LRCH1: variants seen among roughly 807,000 people sequenced by gnomAD.
The protein encoded by LRCH1 is leucine-rich repeat and calponin homology domain-containing protein 1.
A neutral mutation model predicts 94.9 loss-of-function variants in LRCH1; 23 were observed. That is an observed-to-expected ratio of 0.24 (90% CI 0.17 to 0.34). The LOEUF (loss-of-function observed/expected upper bound fraction) is 0.34. Ranked by LOEUF, LRCH1 falls within the 10% of genes least tolerant of loss-of-function variation. The pLI is 1.00. For missense variants in LRCH1, 790 were observed against 945.9 expected, an observed-to-expected ratio of 0.84 and a Z score of 2.16; for synonymous variants, 364 against 354.9, an observed-to-expected ratio of 1.03 and a Z score of -0.29.
Position 46,733,935 on chromosome 13 carries a change from G to C in LRCH1, c.2022G>C (p.Met674Ile), listed in dbSNP as rs201104832. The C allele has an allele frequency of 1.9e-6, 3 of 1,600,628 alleles. No homozygotes were observed. In the South Asian group the frequency reaches 3.4e-5, roughly 18 times the overall value. ...VPSPAVPKLS[M>I]AKCRRNVENF... ...TGCATTTATAGCCCAAACTTAGCAT[G>C]GCCAAATGCAGAAGAAATGTGGAAA... Residue 674 changes from methionine (M) to isoleucine (I), a missense_variant, in exon 19 of 20, where the codon ATG becomes ATC. This residue lies in a region of LRCH1 where 460 missense variants were observed against 508.9 expected (regional missense o/e 0.90). Transcript: ENST00000389797.
At chr13:46,659,485 G>A (rs1466750670) in intron 2 of LRCH1, among the ~76,000 whole-genome samples, 6 of 152,020 alleles carry the variant, frequency 3.9e-5, no homozygotes, top group South Asian at 2.1e-4. Context: ...GAGCCACTGC[G>A]CCCAGCCCAA....
At chr13:46,646,319 A>C (rs12429276) in intron 1 of LRCH1, among the ~76,000 whole-genome samples, 3 of 152,140 alleles carry the variant, frequency 2.0e-5, no homozygotes, top group Non-Finnish European at 4.4e-5. Flanking sequence ...CATAATATGT[A>C]TATATTATGT....
intron 11 of LRCH1, among the ~76,000 whole-genome samples, chr13:46,703,756 T>A (rs1871608892): frequency 1.3e-5 from 2 of 152,174 alleles, no homozygotes; most frequent in South Asian, 4.1e-4. Context: ...AAAAAGTATA[T>A]AACTTTTTTA....
Position 46,563,852 on chromosome 13 carries a change from A to T in LRCH1, c.307+10149A>T, listed in dbSNP as rs148694486. On this transcript the variant is annotated intron_variant, in intron 1 of 19. Coordinates refer to ENST00000389797, the MANE Select transcript of LRCH1 (RefSeq NM_001164211.2). ...TTTGGCCAAGGGTACACAGCATGGC[A>T]GTAGGTGCCAGAGCCAGGGCAGAGT... is the stretch of plus-strand genomic sequence containing the variant. 1.2e-4 allele frequency among the ~76,000 whole-genome samples: 18 copies of T among 152,152 alleles called. No homozygotes were observed. The East Asian group carries it at 3.1e-3, about 26-fold the overall frequency.
At chr13:46,641,799 C>T (rs1338042789) in intron 1 of LRCH1, among the ~76,000 whole-genome samples, 1 of 152,200 alleles carries the variant, frequency 6.6e-6, no homozygotes, top group Non-Finnish European at 1.5e-5. Context: ...GCTGACTGCA[C>T]ACCAGATTCC....
At chr13:46,698,643 C>T (rs1360417767) in intron 9 of LRCH1, among the ~76,000 whole-genome samples, 2 of 152,202 alleles carry the variant, frequency 1.3e-5, no homozygotes, top group African/African-American at 4.8e-5. Flanking sequence ...TAGGATGCAT[C>T]TTCACAGGTG....
chr13:46,730,451 C>G (rs1315473056), intron 18 of LRCH1, among the ~76,000 whole-genome samples: 1 of 152,174 alleles, frequency 6.6e-6, no homozygotes, highest in Non-Finnish European at 1.5e-5. Flanking sequence ...TCCGCCCTCT[C>G]CCATCCCCAG....
At chr13:46,669,333 C>T (rs2051566454) in intron 3 of LRCH1, among the ~76,000 whole-genome samples, 177 bp downstream of exon 3, 1 of 152,146 alleles carries the variant, frequency 6.6e-6, no homozygotes, top group Admixed American at 6.5e-5. Flanking sequence ...TTCACTGTGA[C>T]AGACACAGTT....
intron 14 of LRCH1, 21 bp from the exon 15 acceptor site, chr13:46,712,504 C>T (rs777346146): frequency 6.3e-7 from 1 of 1,583,252 alleles, no homozygotes; most frequent in South Asian, 1.1e-5. Context: ...TTCCTAATTT[C>T]CTTTCCTTCC....
intron 4 of LRCH1, among the ~76,000 whole-genome samples, chr13:46,684,713 G>T (rs754701895): frequency 6.6e-6 from 1 of 152,090 alleles, no homozygotes; most frequent in Non-Finnish European, 1.5e-5. Flanking sequence ...TGATTCCAGG[G>T]TCCTCCAGGA....
chr13:46,584,159 C>G (rs1205397579), intron 1 of LRCH1, among the ~76,000 whole-genome samples: 1 of 152,148 alleles, frequency 6.6e-6, no homozygotes, highest in East Asian at 1.9e-4. Flanking sequence ...CAATTATAGT[C>G]CGTTCAATTC....
At chr13:46,611,683 C>G (rs1441431122) in intron 1 of LRCH1, among the ~76,000 whole-genome samples, 1 of 151,858 alleles carries the variant, frequency 6.6e-6, no homozygotes, top group Non-Finnish European at 1.5e-5. Context: ...ATTTCAAAGA[C>G]TTAGTATTTA....
chr13:46,724,576 T>C (rs981296232), intron 17 of LRCH1, among the ~76,000 whole-genome samples: 5 of 152,334 alleles, frequency 3.3e-5, no homozygotes, highest in Admixed American at 1.3e-4. Flanking sequence ...TATTTCTTAG[T>C]TCCCAATGGG....
chr13:46,680,426 T>C (rs2051735773), intron 3 of LRCH1, among the ~76,000 whole-genome samples: 1 of 152,188 alleles, frequency 6.6e-6, no homozygotes, highest in Admixed American at 6.5e-5. Context: ...TGACATGCTA[T>C]CTAAAGGACC....
chr13:46,616,378 T>C (rs2050808390), intron 1 of LRCH1, among the ~76,000 whole-genome samples: 1 of 152,232 alleles, frequency 6.6e-6, no homozygotes, highest in Non-Finnish European at 1.5e-5. Context: ...AACCTTTGTC[T>C]GACAGATGAC....
At position 46,659,835 on chromosome 13, in the gene LRCH1, C is replaced by G. The variant is rs112636723; in HGVS notation, c.453-9195C>G. ...CAAGTAAATTAGTCCCAGAACCAGA[C>G]CCTTGTGACCTCAGTACCAGTAGGA... On this transcript the variant is annotated intron_variant, in intron 2 of 19. Coordinates refer to ENST00000389797, the MANE Select transcript of LRCH1 (RefSeq NM_001164211.2). Among the ~76,000 whole-genome samples, 306 of 152,152 alleles carry G rather than the reference C, an allele frequency of 2.0e-3. 1 individual carries two copies. Among genetic ancestry groups the G allele is most frequent in the African/African-American group, 7.0e-3 (289 of 41,504 alleles).
intron 2 of LRCH1, among the ~76,000 whole-genome samples, chr13:46,666,940 C>A (rs961959531): frequency 6.6e-6 from 1 of 152,142 alleles, no homozygotes; most frequent in African/African-American, 2.4e-5. Context: ...CTCCTCCCTT[C>A]CACCGTCCCC....
chr13:46,725,575 A>G (rs1374113947), intron 17 of LRCH1, among the ~76,000 whole-genome samples: 5 of 152,208 alleles, frequency 3.3e-5, no homozygotes, highest in East Asian at 1.9e-4. Context: ...TCAGAGAGCA[A>G]TGAGTTCTAC....
At chr13:46,695,608 C>T (rs577619473) in intron 9 of LRCH1, among the ~76,000 whole-genome samples, 2 of 152,234 alleles carry the variant, frequency 1.3e-5, no homozygotes, top group Admixed American at 6.5e-5. Flanking sequence ...CTTCACAACC[C>T]GATTAGGTGC....
Sources: gnomAD v4.1 joint callset for allele counts (sites outside exome capture counted in the v4.1 genomes callset) on GRCh38, gnomAD v4.1.1 for gene constraint, gnomAD v4.1.1 regional missense constraint, MANE v1.5 for transcripts, NCBI Gene and HGNC (gene_info 2026-07-23, HGNC 2026-07-21) for gene names.